Variants in TANK observed in about 807,000 individuals in gnomAD.
TANK encodes the protein TRAF family member-associated NF-kappa-B activator.
A neutral mutation model predicts 43.6 loss-of-function variants in TANK; 15 were observed. The observed-to-expected ratio is 0.34, with a 90% CI of 0.23 to 0.53. The LOEUF (loss-of-function observed/expected upper bound fraction) is 0.53. TANK is among the 20% of genes least tolerant of loss of function. The pLI is 0.94. For missense variants in TANK, 417 were observed against 498.6 expected (o/e 0.84, Z 1.56); for synonymous variants, 162 against 178.2 (o/e 0.91, Z 0.73).
chr2:161,192,885 G>A (rs566762640), intron 2 of TANK, among the ~76,000 whole-genome samples: 19 of 152,236 alleles, frequency 1.2e-4, no homozygotes, highest in Non-Finnish European at 2.4e-4. Context: ...TTATCAGACC[G>A]AAGACCATAT....
At chr2:161,168,105 G>T (rs1377654509) in intron 1 of TANK, among the ~76,000 whole-genome samples, 1 of 152,166 alleles carries the variant, frequency 6.6e-6, no homozygotes, top group East Asian at 1.9e-4. Context: ...CACATAGTAG[G>T]TAGCTTCAAG....
intron 1 of TANK, among the ~76,000 whole-genome samples, chr2:161,167,718 G>A (rs546535592): frequency 6.6e-6 from 1 of 152,164 alleles, no homozygotes; most frequent in East Asian, 1.9e-4. Context: ...CGCTTCCTGG[G>A]TTCACTCCAT....
chr2:161,150,192 C>A (rs1463776619), intron 1 of TANK, among the ~76,000 whole-genome samples: 1 of 152,064 alleles, frequency 6.6e-6, no homozygotes, highest in East Asian at 1.9e-4. Context: ...TTCCTCTTTA[C>A]TTAGATTTAG....
Position 161,218,144 on chromosome 2 carries a change from C to T in TANK, c.328-5771C>T, listed in dbSNP as rs185233714. ...TTTTGGATGTACATTTCTATTTGTA[C>T]GATACATCCTTGAGAACGCAGCAAA... On this transcript the variant is annotated intron_variant, in intron 4 of 7. Transcript: ENST00000392749. 2.0e-5 allele frequency among the ~76,000 whole-genome samples: 3 copies of T among 152,160 alleles called. No individual in the cohort carries two copies. The East Asian group carries it at 5.8e-4, about 29-fold the overall frequency.
rs1687889481 is a variant in TANK at position 161,231,090 on chromosome 2, C to G, written c.640C>G (p.Pro214Ala). The change falls in exon 7 of 8, where the codon CCA (proline) becomes GCA (alanine). Residue 214 changes from proline to alanine, a missense_variant. By Grantham distance (27) the Pro-to-Ala change is conservative (BLOSUM62 -1). Coordinates refer to ENST00000392749, the MANE Select transcript of TANK (RefSeq NM_001199135.3). ...TGCACCATCCATCACATCTGTCACA[C>G]CAAGAGGACTGTGCAGAGATGAGGA... ...RGAPSITSVT[P>A]RGLCRDEEDT... 4 of 1,613,952 alleles carry G rather than the reference C, an allele frequency of 2.5e-6. No homozygotes were observed. Among genetic ancestry groups the G allele is most frequent in the African/African-American group, 1.3e-5 (1 of 74,900 alleles).
intron 1 of TANK, among the ~76,000 whole-genome samples, chr2:161,178,790 A>G (rs1685289416): frequency 1.3e-5 from 2 of 152,184 alleles, no homozygotes; most frequent in Admixed American, 6.6e-5. Context: ...TCGGTACCCA[A>G]TATAACTGAT....
intron 1 of TANK, chr2:161,161,614 T>C (rs2105249752): frequency 2.5e-6 from 2 of 809,448 alleles, no homozygotes; most frequent in Non-Finnish European, 3.7e-6. Flanking sequence ...AAAATGAGAT[T>C]ATGCATACTG....
intron 1 of TANK, among the ~76,000 whole-genome samples, chr2:161,178,177 T>C (rs1229407198): frequency 6.6e-6 from 1 of 152,096 alleles, no homozygotes; most frequent in Non-Finnish European, 1.5e-5. Flanking sequence ...TCTGAAAATA[T>C]TGAAAACGTG....
At chr2:161,194,604 C>T (rs1289082866) in intron 2 of TANK, among the ~76,000 whole-genome samples, 1 of 152,088 alleles carries the variant, frequency 6.6e-6, no homozygotes, top group Admixed American at 6.6e-5. Flanking sequence ...GTTTTTCTGA[C>T]AATAAATGTT....
chr2:161,191,794 A>G (rs545656088), intron 2 of TANK, among the ~76,000 whole-genome samples: 2 of 151,802 alleles, frequency 1.3e-5, no homozygotes, highest in Non-Finnish European at 2.9e-5. Context: ...TTCTTAAAAC[A>G]CTATTTTTCT....
chr2:161,194,044 G>T (rs1686035811), intron 2 of TANK, among the ~76,000 whole-genome samples: 1 of 152,242 alleles, frequency 6.6e-6, no homozygotes, highest in South Asian at 2.1e-4. Context: ...CAAGTTACTT[G>T]TCATCAATTT....
At position 161,212,062 on chromosome 2, in the gene TANK, A is replaced by G. The variant is rs534551329; in HGVS notation, c.327+7269A>G. On this transcript the variant is annotated intron_variant, in intron 4 of 7. Coordinates refer to ENST00000392749, the MANE Select transcript of TANK (RefSeq NM_001199135.3). Reference sequence around the variant, plus strand: ...TTTTCCAAAGAGTCATAATACATAAACTTTTTTTTTTTTTTTGAGACAGGG... The same window carrying G: ...TTTTCCAAAGAGTCATAATACATAAGCTTTTTTTTTTTTTTTGAGACAGGG... The G allele has an allele frequency of 1.5e-4, 114 of 739,406 alleles. 3 individuals carry two copies. In the South Asian group the frequency reaches 6.3e-3, roughly 41 times the overall value. 45.8% of individuals were successfully genotyped at this position (739,406 alleles called of 1,614,324 possible). A position where few individuals can be genotyped will look rare whatever the true frequency, so the allele number is the denominator to read the frequency against.
At chr2:161,178,352 T>C (rs1685260174) in intron 1 of TANK, among the ~76,000 whole-genome samples, 1 of 152,050 alleles carries the variant, frequency 6.6e-6, no homozygotes. Flanking sequence ...TGTTACATGC[T>C]ACATCATGGA....
chr2:161,150,508 C>T (rs1235556120), intron 1 of TANK, among the ~76,000 whole-genome samples: 4 of 151,248 alleles, frequency 2.6e-5, no homozygotes, highest in African/African-American at 9.7e-5. Flanking sequence ...TTCATCCTTG[C>T]TAGCTTTCAA....
intron 1 of TANK, among the ~76,000 whole-genome samples, chr2:161,176,864 G>A (rs1194882791): frequency 2.0e-5 from 3 of 152,042 alleles, no homozygotes; most frequent in African/African-American, 7.2e-5. Context: ...ATGACATGCA[G>A]CTTTTTAAGG....
intron 2 of TANK, chr2:161,180,001 T>C: frequency 2.5e-6 from 3 of 1,183,738 alleles, no homozygotes; most frequent in Non-Finnish European, 2.1e-6. Context: ...TGAAAGATTG[T>C]GAATGTTGTC....
intron 2 of TANK, among the ~76,000 whole-genome samples, chr2:161,188,873 A>G (rs1685787480): frequency 2.0e-5 from 3 of 152,200 alleles, no homozygotes; most frequent in African/African-American, 7.2e-5. Context: ...CCCCATGGGC[A>G]TAATTAATGC....
chr2:161,234,491 T>C (rs1305757348), intron 7 of TANK, among the ~76,000 whole-genome samples: 1 of 152,234 alleles, frequency 6.6e-6, no homozygotes, highest in African/African-American at 2.4e-5. Context: ...TAGCTATTAT[T>C]AAGCTAAATG....
intron 4 of TANK, among the ~76,000 whole-genome samples, chr2:161,211,191 T>C (rs1686872184): frequency 6.6e-6 from 1 of 152,234 alleles, no homozygotes; most frequent in African/African-American, 2.4e-5. Flanking sequence ...AGGCAGTACA[T>C]GAACTTGAAC....
Sources: gnomAD v4.1 joint callset for allele counts (sites outside exome capture counted in the v4.1 genomes callset) on GRCh38, gnomAD v4.1.1 for gene constraint, MANE v1.5 for transcripts, NCBI Gene and HGNC (gene_info 2026-07-23, HGNC 2026-07-21) for gene names.